The following CELF2 variants were observed in gnomAD, a reference collection of about 807,000 sequenced individuals.
CELF2 encodes the protein CUGBP Elav-like family member 2, also known as CUG triplet repeat RNA-binding protein 2.
A neutral mutation model predicts 62.6 loss-of-function variants in CELF2; 8 were observed. The ratio of observed to expected loss-of-function variants is 0.13; its 90% CI spans 0.07 to 0.23. The LOEUF (loss-of-function observed/expected upper bound fraction) is 0.23. Among genes scored for constraint, CELF2 ranks in the 10% least tolerant of loss-of-function variants. CELF2 has a pLI of 1.00. For missense variants in CELF2, 333 were observed against 671.0 expected, an observed-to-expected ratio of 0.50 and a Z score of 5.56; for synonymous variants, 258 against 250.0, an observed-to-expected ratio of 1.03 and a Z score of -0.30.
the CELF2 span, among the ~76,000 whole-genome samples, chr10:10,723,606 C>T: frequency 6.6e-6 from 1 of 152,134 alleles, no homozygotes; most frequent in African/African-American, 2.4e-5. Context: ...CACAGTTCCT[C>T]ATTTTTTTTA....
the CELF2 span, among the ~76,000 whole-genome samples, chr10:10,619,786 T>C: frequency 6.6e-6 from 1 of 152,152 alleles, no homozygotes; most frequent in African/African-American, 2.4e-5. Context: ...GGGGTAGAAA[T>C]TGAGACCCCA....
chr10:10,987,510 AG>A (rs2052911549), intron 2 of CELF2, among the ~76,000 whole-genome samples: 1 of 152,212 alleles, frequency 6.6e-6, no homozygotes, highest in African/African-American at 2.4e-5. Flanking sequence ...ACTCAAAAAA[AG>A]GTACATAGTC....
chr10:10,792,704 G>C, the CELF2 span, among the ~76,000 whole-genome samples: 1 of 152,198 alleles, frequency 6.6e-6, no homozygotes, highest in Non-Finnish European at 1.5e-5. Context: ...TGTGAGCCCT[G>C]TGTGCTAACA....
chr10:10,809,977 T>G (rs942166527), intron 1 of CELF2, among the ~76,000 whole-genome samples: 2 of 152,192 alleles, frequency 1.3e-5, no homozygotes, highest in Non-Finnish European at 2.9e-5. Flanking sequence ...TCAAATTACA[T>G]AAACATTTGA....
the CELF2 span, among the ~76,000 whole-genome samples, chr10:10,553,921 C>A: frequency 3.3e-5 from 5 of 152,210 alleles, no homozygotes; most frequent in East Asian, 9.7e-4. Context: ...GCCAAGTGAA[C>A]CCTCAGAAGG....
the CELF2 span, among the ~76,000 whole-genome samples, chr10:10,567,290 C>A: frequency 8.5e-5 from 13 of 152,294 alleles, no homozygotes; most frequent in Non-Finnish European, 1.9e-4. Context: ...AGGAAAAGTG[C>A]ATTGACTTTA....
chr10:11,032,146 C>CAAAAA (rs56364371), intron 1 of CELF2, among the ~76,000 whole-genome samples: 20 of 86,390 alleles, frequency 2.3e-4, no homozygotes, highest in South Asian at 7.0e-4. Flanking sequence ...AGGGCTTAGC[C>CAAAAA]AAAAAAAAAA....
the CELF2 span, among the ~76,000 whole-genome samples, chr10:10,732,111 G>A: frequency 6.6e-6 from 1 of 152,282 alleles, no homozygotes; most frequent in Non-Finnish European, 1.5e-5. Flanking sequence ...TCCCCAGCCA[G>A]TCAGCACCAA....
the CELF2 span, among the ~76,000 whole-genome samples, chr10:10,599,044 G>A: frequency 1.3e-5 from 2 of 151,974 alleles, no homozygotes; most frequent in African/African-American, 4.8e-5. Context: ...GAGCCATCAT[G>A]CCCGGCCAGG....
At position 11,011,598 on chromosome 10, in the gene CELF2, T is replaced by C. The variant is rs1055483021; in HGVS notation, c.53+6158T>C. Among the ~76,000 whole-genome samples the C allele has an allele frequency of 2.0e-5, 3 of 151,738 alleles. No individual in the cohort carries two copies. Among genetic ancestry groups the C allele is most frequent in the African/African-American group, 7.3e-5 (3 of 41,092 alleles). Reference sequence around the variant, plus strand: ...AACAGGGCAAATATGTAGCTATTCATATAAAGAGGAAATTGAGAAGTGAAG... The same window carrying C: ...AACAGGGCAAATATGTAGCTATTCACATAAAGAGGAAATTGAGAAGTGAAG... On this transcript the variant is annotated intron_variant, in intron 1 of 12. Coordinates refer to the CELF2 transcript ENST00000416382. This position sits in a 1 kb window ranked among gnomAD's most constrained non-coding sequence, Gnocchi z 4.6.
rs142485235 is a variant in CELF2 at position 10,889,438 on chromosome 10, T to G, written c.54-30526T>G. ...CACCTAATACCTTTTAAAAGAAATT[T>G]TTTTGCTGTCCCTGAGCAAGTATAT... On this transcript the variant is annotated intron_variant, in intron 1 of 13. Coordinates refer to the CELF2 transcript ENST00000636488. 6.4e-3 allele frequency among the ~76,000 whole-genome samples: 980 copies of G among 152,316 alleles called. 6 individuals carry two copies. The highest frequency in any genetic ancestry group is 0.014 in the Middle Eastern group (4 of 294).
intron 1 of CELF2, among the ~76,000 whole-genome samples, chr10:10,909,674 G>T (rs929247953): frequency 2.0e-5 from 3 of 152,200 alleles, no homozygotes; most frequent in African/African-American, 7.2e-5. Flanking sequence ...ATTGGCATTG[G>T]CTGTTAGGCG....
At chr10:10,925,977 C>T (rs2065422938) in intron 2 of CELF2, among the ~76,000 whole-genome samples, 1 of 152,204 alleles carries the variant, frequency 6.6e-6, no homozygotes. Context: ...GCATCTACCA[C>T]TCATAGCCTG....
chr10:11,275,202 A>T (rs2138891354), intron 8 of CELF2, 82 bp downstream of exon 8: 1 of 1,334,028 alleles, frequency 7.5e-7, no homozygotes, highest in South Asian at 1.2e-5. Context: ...GACAAGAAGC[A>T]GGGGAAGAGA....
chr10:11,281,799 C>T (rs1025854492), intron 8 of CELF2, among the ~76,000 whole-genome samples: 2 of 152,160 alleles, frequency 1.3e-5, no homozygotes, highest in African/African-American at 4.8e-5. Flanking sequence ...AAACGTAGTA[C>T]ATAGTTAAGT....
chr10:11,293,502 C>T (rs2092783690), intron 9 of CELF2, among the ~76,000 whole-genome samples: 1 of 152,182 alleles, frequency 6.6e-6, no homozygotes, highest in Non-Finnish European at 1.5e-5. Context: ...TGGGGCAGTG[C>T]AGAGGTTCCT....
the CELF2 span, among the ~76,000 whole-genome samples, chr10:10,567,342 T>C: frequency 1.3e-5 from 2 of 152,320 alleles, no homozygotes; most frequent in Admixed American, 6.5e-5. Context: ...TTGCCATTTA[T>C]AGATCAATTA....
chr10:10,864,466 C>G (rs559258876), intron 1 of CELF2, among the ~76,000 whole-genome samples: 1 of 152,294 alleles, frequency 6.6e-6, no homozygotes, highest in South Asian at 2.1e-4. Flanking sequence ...GTGGCTTAAA[C>G]AGCAGACAAT....
the CELF2 span, among the ~76,000 whole-genome samples, chr10:10,534,244 G>A: frequency 1.3e-5 from 2 of 150,778 alleles, no homozygotes; most frequent in Non-Finnish European, 3.0e-5. Flanking sequence ...AAGAAAAAGA[G>A]AGAGACAGAG....
Sources: allele counts gnomAD v4.1 joint callset (sites outside exome capture counted in the v4.1 genomes callset), GRCh38; gene constraint gnomAD v4.1.1; non-coding constraint Gnocchi (gnomAD v3.1); transcripts MANE v1.5; gene names NCBI Gene and HGNC (gene_info 2026-07-23, HGNC 2026-07-21).